HK1: variants seen among roughly 807,000 people sequenced by gnomAD.
HK1 encodes hexokinase 1.
A neutral mutation model predicts 91.6 loss-of-function variants in HK1; 28 were observed. The ratio of observed to expected loss-of-function variants is 0.31; its 90% CI spans 0.23 to 0.42. The LOEUF (loss-of-function observed/expected upper bound fraction) is 0.42. Among genes scored for constraint, HK1 ranks in the 10% least tolerant of loss-of-function variants. HK1 has a pLI of 1.00. For synonymous variants in HK1, 430 were observed against 468.1 expected, an observed-to-expected ratio of 0.92 and a Z score of 1.05; for missense variants, 770 against 1,219.8, an observed-to-expected ratio of 0.63 and a Z score of 5.49.
upstream of HK1, among the ~76,000 whole-genome samples, chr10:69,316,579 G>A (rs61869987): frequency 0.11 from 16,091 of 152,266 alleles, 1,115 homozygotes; most frequent in Admixed American, 0.19. Context: ...CCTCTCAAAG[G>A]CCAGGGAAGA....
intron 2 of HK1, among the ~76,000 whole-genome samples, chr10:69,285,157 G>C (rs886803877): frequency 6.6e-6 from 1 of 152,064 alleles, no homozygotes; most frequent in Non-Finnish European, 1.5e-5. Context: ...CAAACAGGCC[G>C]GGCGCGGTGG....
intron 2 of HK1, among the ~76,000 whole-genome samples, chr10:69,355,068 CAAAA>C (rs775908068): frequency 0.091 from 7,758 of 85,054 alleles, 327 homozygotes; most frequent in African/African-American, 0.19. Context: ...GACTCCCTCT[CAAAA>C]AAAAAAAAAA....
chr10:69,357,753 A>G (rs10998740), intron 2 of HK1, among the ~76,000 whole-genome samples: 44,123 of 151,986 alleles, frequency 0.29, 6,672 homozygotes, highest in African/African-American at 0.34. Flanking sequence ...GCACCTGGCC[A>G]CTGTATGATT....
chr10:69,281,812 G>A (rs893176139), intron 1 of HK1, among the ~76,000 whole-genome samples: 1 of 152,144 alleles, frequency 6.6e-6, no homozygotes, highest in Non-Finnish European at 1.5e-5. Flanking sequence ...TAAAGGAAGG[G>A]GAGGGAGGAG....
In HK1 at chr10:69,345,262, C is replaced by T. The variant is rs548597924; in HGVS notation, c.226+1273C>T. ...GTATATCTCTGATGTAAGCCTACTCCACCTCCACCCTTTTGTTTAGGTGTT... is the reference window on the plus strand; with the variant it reads ...GTATATCTCTGATGTAAGCCTACTCTACCTCCACCCTTTTGTTTAGGTGTT... On this transcript the variant is annotated intron_variant, in intron 2 of 17. Transcript: ENST00000359426. Among the ~76,000 whole-genome samples the T allele has an allele frequency of 2.0e-5, 3 of 152,224 alleles. No homozygotes were observed. In the East Asian group the frequency reaches 5.8e-4, roughly 29 times the overall value.
At chr10:69,305,578 G>T (rs1386587562) in intron 5 of HK1, among the ~76,000 whole-genome samples, 3 of 152,014 alleles carry the variant, frequency 2.0e-5, no homozygotes, top group Non-Finnish European at 4.4e-5. Flanking sequence ...AAGAAGGCTG[G>T]GTGTGGTAGT....
intron 1 of HK1, among the ~76,000 whole-genome samples, chr10:69,275,351 T>A (rs1311385034): frequency 6.6e-6 from 1 of 151,416 alleles, no homozygotes; most frequent in Non-Finnish European, 1.5e-5. Context: ...CGAGACCCCA[T>A]CTCTACTAGA....
In HK1 at chr10:69,320,771, C is replaced by T. The variant is rs554884848; in HGVS notation, c.63+1761C>T. ...CAACAGACTGCTGGCTGTTGGCTGC[C>T]GGTGGCCTCCAGCAGCTGAGCTGGG... On this transcript the variant is annotated intron_variant, in intron 1 of 17. Coordinates refer to ENST00000359426, the MANE Select transcript of HK1 (RefSeq NM_000188.3). 2.8e-4 allele frequency among the ~76,000 whole-genome samples: 42 copies of T among 152,240 alleles called. 1 individual carries two copies. The South Asian group carries it at 8.5e-3, about 31-fold the overall frequency.
At chr10:69,290,555 A>G (rs1016819866) in intron 3 of HK1, among the ~76,000 whole-genome samples, 3 of 152,072 alleles carry the variant, frequency 2.0e-5, no homozygotes, top group African/African-American at 4.8e-5. Context: ...CTGGAATGCT[A>G]TGGTGCAATC....
At chr10:69,398,521 T>C (rs1589594320) in intron 16 of HK1, 74 bp from the exon 17 acceptor site, 1 of 1,098,030 alleles carries the variant, frequency 9.1e-7, no homozygotes, top group African/African-American at 1.5e-5. Flanking sequence ...GCGGGGGGCG[T>C]CCTTTGGACG....
intron 7 of HK1, among the ~76,000 whole-genome samples, chr10:69,370,464 C>G (rs1046382525): frequency 6.6e-6 from 1 of 152,184 alleles, no homozygotes. Flanking sequence ...ATGCTGTAGT[C>G]ACGAGTGTTG....
At chr10:69,311,082 T>C (rs1242728066), upstream of HK1, among the ~76,000 whole-genome samples, 2 of 148,526 alleles carry the variant, frequency 1.3e-5, no homozygotes, top group African/African-American at 5.0e-5. Context: ...TGATAAGGGG[T>C]TGTGGAGACC....
intron 14 of HK1, among the ~76,000 whole-genome samples, chr10:69,389,890 C>T (rs562759887): frequency 1.6e-4 from 24 of 152,312 alleles, no homozygotes; most frequent in African/African-American, 5.1e-4. Flanking sequence ...GGGGTCTGGG[C>T]CTCGAGCACA....
At chr10:69,387,306 T>A (rs1839684439) in intron 13 of HK1, among the ~76,000 whole-genome samples, 1 of 152,188 alleles carries the variant, frequency 6.6e-6, no homozygotes. Context: ...TTTCCTTTTT[T>A]GAGACAGGGT....
upstream of HK1, among the ~76,000 whole-genome samples, chr10:69,316,349 G>C (rs1338334676): frequency 6.6e-6 from 1 of 152,218 alleles, no homozygotes; most frequent in Non-Finnish European, 1.5e-5. Flanking sequence ...CAGGATTAAT[G>C]TGACCTGGTG....
intron 1 of HK1, among the ~76,000 whole-genome samples, chr10:69,339,971 A>G (rs1472377770): frequency 1.3e-5 from 2 of 152,224 alleles, no homozygotes; most frequent in African/African-American, 4.8e-5. Flanking sequence ...TGAAGGTTAA[A>G]TGACATACTG....
At chr10:69,305,447 G>C (rs557516311) in intron 5 of HK1, among the ~76,000 whole-genome samples, 1 of 152,288 alleles carries the variant, frequency 6.6e-6, no homozygotes, top group East Asian at 1.9e-4. Context: ...TTTTCTCCTA[G>C]TGCCTGGCCT....
At chr10:69,336,591 C>T (rs1475814031) in intron 1 of HK1, among the ~76,000 whole-genome samples, 1 of 149,334 alleles carries the variant, frequency 6.7e-6, no homozygotes, top group Non-Finnish European at 1.5e-5. Flanking sequence ...TATTGCCTCC[C>T]AGCTTTAGTT....
intron 15 of HK1, 75 bp from the exon 16 acceptor site, chr10:69,394,875 T>A: frequency 6.8e-7 from 1 of 1,467,542 alleles, no homozygotes; most frequent in South Asian, 1.1e-5. Flanking sequence ...AGACGCGGAG[T>A]GACCGTGAGA....
Sources: allele counts gnomAD v4.1 joint callset (sites outside exome capture counted in the v4.1 genomes callset), GRCh38; gene constraint gnomAD v4.1.1; transcripts MANE v1.5; gene names NCBI Gene and HGNC (gene_info 2026-07-23, HGNC 2026-07-21).